TMC1: variants seen among roughly 807,000 people sequenced by gnomAD.
TMC1 encodes the protein transmembrane channel-like protein 1.
A neutral mutation model predicts 105.8 loss-of-function variants in TMC1; 84 were observed. That is an observed-to-expected ratio of 0.79 (90% confidence interval 0.67 to 0.95). The LOEUF is 0.95. Ranked by LOEUF, TMC1 falls within the 40% of genes least tolerant of loss-of-function variation. The probability of loss-of-function intolerance (pLI) is 0.00; values close to 1 mark genes in which losing one functional copy is unlikely to be tolerated. For synonymous variants in TMC1, 315 were observed against 311.5 expected, an observed-to-expected ratio of 1.01 and a Z score of -0.12; for missense variants, 817 against 914.1, an observed-to-expected ratio of 0.89 and a Z score of 1.37.
intron 1 of TMC1, among the ~76,000 whole-genome samples, chr9:72,542,761 C>A (rs1823699935): frequency 1.3e-5 from 2 of 151,782 alleles, no homozygotes; most frequent in Non-Finnish European, 2.9e-5. Flanking sequence ...CTCACTGCAA[C>A]CTCTGCCGCC....
intron 19 of TMC1, among the ~76,000 whole-genome samples, chr9:72,816,723 G>A (rs1411762478): frequency 6.6e-6 from 1 of 152,070 alleles, no homozygotes; most frequent in Non-Finnish European, 1.5e-5. Flanking sequence ...TCTTCATTTT[G>A]TAACTTGTTT....
At chr9:72,826,311 T>C (rs1163516606) in intron 20 of TMC1, among the ~76,000 whole-genome samples, 1 of 152,162 alleles carries the variant, frequency 6.6e-6, no homozygotes, top group Non-Finnish European at 1.5e-5. Context: ...CATTAGGGCC[T>C]GTCCAGGAGA....
chr9:72,528,765 A>G (rs1428417563), intron 1 of TMC1, among the ~76,000 whole-genome samples: 2 of 152,214 alleles, frequency 1.3e-5, no homozygotes, highest in East Asian at 3.9e-4. Flanking sequence ...AGGGGGCCCA[A>G]TATAAATTTC....
rs114911510 is a variant in TMC1, at chr9:72,729,395, T to G, written c.363-10724T>G. Among the ~76,000 whole-genome samples the G allele has an allele frequency of 4.9e-4, 74 of 152,200 alleles. 1 individual carries two copies. The highest frequency in any genetic ancestry group is 1.7e-3 in the African/African-American group (70 of 41,572). ...ATGAAAATGTACATGCAATTCTCTT[T>G]TTGCTTGTTCTTAGTTTATTTACTG... On this transcript the variant is annotated intron_variant, in intron 8 of 23. Transcript: ENST00000297784.
chr9:72,549,380 G>A (rs4458934), intron 1 of TMC1, among the ~76,000 whole-genome samples: 79,649 of 151,854 alleles, frequency 0.52, 21,825 homozygotes, highest in African/African-American at 0.69. Context: ...TTACAGGCAT[G>A]AACCACCATG....
rs1829134108 is a variant in TMC1, at chr9:72,836,883, GAA to G, written c.*911_*912del. ...GAAGTAGGTTTATGGCAGAGGGAGA[GAA>G]TGAGGCAAGTTTTAGAGCAGGAGTG... On this transcript the variant is annotated 3_prime_UTR_variant, in exon 24 of 24. Transcript: ENST00000297784. 6.6e-6 allele frequency: 1 copy of G among 152,150 alleles called. No homozygotes were observed. Among genetic ancestry groups the G allele is most frequent in the African/African-American group, 2.4e-5 (1 of 41,416 alleles). 9.4% of individuals were successfully genotyped at this position (152,150 alleles called of 1,614,324 possible).
chr9:72,671,311 C>G (rs1048752592), intron 5 of TMC1, among the ~76,000 whole-genome samples: 1 of 152,176 alleles, frequency 6.6e-6, no homozygotes, highest in Non-Finnish European at 1.5e-5. Flanking sequence ...GGGAGGGCAC[C>G]TCTCACATGA....
intron 15 of TMC1, among the ~76,000 whole-genome samples, chr9:72,789,571 C>T (rs994817407): frequency 2.0e-5 from 3 of 152,126 alleles, no homozygotes; most frequent in African/African-American, 7.2e-5. Context: ...ATAGTCTAAT[C>T]ATTATGTTTT....
Position 72,763,669 on chromosome 9 carries a change from G to GTAAA in TMC1, c.742-8744_742-8743insTAAA, listed in dbSNP as rs1251939990. 3.6e-3 allele frequency among the ~76,000 whole-genome samples: 554 copies of GTAAA among 152,278 alleles called. 6 individuals carry two copies. Among genetic ancestry groups the GTAAA allele is most frequent in the African/African-American group, 0.013 (530 of 41,560 alleles). On this transcript the variant is annotated intron_variant, in intron 12 of 23. Coordinates refer to ENST00000297784, the MANE Select transcript of TMC1 (RefSeq NM_138691.3). ...TGATAAGAGGTGGCCTTATTCAGGG[G>GTAAA]ACTGAGTAAAACGAGAGAGCTCAGA...
intron 18 of TMC1, among the ~76,000 whole-genome samples, chr9:72,815,818 T>G (rs1828778142): frequency 6.6e-6 from 1 of 152,192 alleles, no homozygotes; most frequent in Non-Finnish European, 1.5e-5. Flanking sequence ...GAATAAGATT[T>G]TTAAAGCTTT....
chr9:72,771,057 C>G (rs889341088), intron 12 of TMC1, among the ~76,000 whole-genome samples: 2 of 152,152 alleles, frequency 1.3e-5, no homozygotes, highest in Non-Finnish European at 2.9e-5. Flanking sequence ...TTGGCACATA[C>G]AATTAAACAT....
At chr9:72,785,853 G>A (rs1272669292) in intron 13 of TMC1, among the ~76,000 whole-genome samples, 1 of 152,200 alleles carries the variant, frequency 6.6e-6, no homozygotes, top group African/African-American at 2.4e-5. Flanking sequence ...TAAAACCATG[G>A]AAAAGAGAGA....
In TMC1 at chr9:72,789,113, A is replaced by C. The variant is rs780945081; in HGVS notation, c.1030-10A>C. 1.2e-6 allele frequency: 2 copies of C among 1,612,044 alleles called. No individual in the cohort carries two copies. Among genetic ancestry groups the C allele is most frequent in the East Asian group, 2.2e-5 (1 of 44,866 alleles). ...GGTTTTTGTTTGTTTGTTTGTTTTC[A>C]TGGATACAGGAAGCTATCACAGAAG... On this transcript the variant is annotated splice_polypyrimidine_tract_variant and intron_variant, in intron 14 of 23. Transcript: ENST00000297784.
chr9:72,570,016 A>C (rs564770301), intron 1 of TMC1, among the ~76,000 whole-genome samples: 1 of 152,196 alleles, frequency 6.6e-6, no homozygotes, highest in South Asian at 2.1e-4. Context: ...ATTGATGGCA[A>C]CATTCATCTT....
chr9:72,620,612 T>C (rs1202646348), intron 3 of TMC1, among the ~76,000 whole-genome samples: 1 of 152,166 alleles, frequency 6.6e-6, no homozygotes, highest in African/African-American at 2.4e-5. Flanking sequence ...ATTTCGTACT[T>C]ATCTCTTAAA....
At chr9:72,541,179 C>T (rs1823669537) in intron 1 of TMC1, among the ~76,000 whole-genome samples, 1 of 152,152 alleles carries the variant, frequency 6.6e-6, no homozygotes, top group Non-Finnish European at 1.5e-5. Context: ...TGTCATAGCT[C>T]TTACAGTGCT....
intron 13 of TMC1, among the ~76,000 whole-genome samples, chr9:72,780,074 C>T (rs2118151294): frequency 6.6e-6 from 1 of 152,212 alleles, no homozygotes; most frequent in Non-Finnish European, 1.5e-5. Context: ...TCAGCAGAAG[C>T]AGTACAACCA....
At chr9:72,639,714 T>G (rs1353567658) in intron 4 of TMC1, among the ~76,000 whole-genome samples, 5 of 152,126 alleles carry the variant, frequency 3.3e-5, no homozygotes, top group Admixed American at 6.6e-5. Context: ...GAGGAATACA[T>G]TAAAGGAACT....
At chr9:72,606,998 T>TAGAGAGAGAG (rs566531350) in intron 2 of TMC1, among the ~76,000 whole-genome samples, 1,816 of 117,112 alleles carry the variant, frequency 0.016, 13 homozygotes, top group Middle Eastern at 0.03. Flanking sequence ...TATATATATA[T>TAGAGAGAGAG]ATATAGAGAG....
Sources: allele counts gnomAD v4.1 joint callset (sites outside exome capture counted in the v4.1 genomes callset), GRCh38; gene constraint gnomAD v4.1.1; transcripts MANE v1.5; gene names NCBI Gene and HGNC (gene_info 2026-07-23, HGNC 2026-07-21).